The following FOXP1 variants were observed in gnomAD, a reference collection of about 807,000 sequenced individuals.
The protein encoded by FOXP1 is forkhead box protein P1.
Under a neutral mutation model 98.2 loss-of-function variants are expected in FOXP1, and 15 were observed. The observed-to-expected ratio is 0.15, with a 90% CI of 0.10 to 0.24. FOXP1 has a LOEUF of 0.24. FOXP1 is among the 10% of genes least tolerant of loss of function. The pLI is 1.00. For synonymous variants in FOXP1, 371 were observed against 314.5 expected, an observed-to-expected ratio of 1.18 and a Z score of -1.90; for missense variants, 633 against 848.5, an observed-to-expected ratio of 0.75 and a Z score of 3.15.
chr3:71,533,351 G>A (rs1258900041), intron 2 of FOXP1, among the ~76,000 whole-genome samples: 2 of 152,120 alleles, frequency 1.3e-5, no homozygotes, highest in Non-Finnish European at 2.9e-5. Context: ...ACGATGATGA[G>A]TCATTTCCAC....
At chr3:70,996,347 C>A (rs2041358482) in intron 13 of FOXP1, among the ~76,000 whole-genome samples, 1 of 152,190 alleles carries the variant, frequency 6.6e-6, no homozygotes, top group Non-Finnish European at 1.5e-5. Context: ...GCTGATTAGA[C>A]AGTCTAAATC....
At chr3:70,969,393 T>A (rs1443701971) in intron 19 of FOXP1, 2 of 152,180 alleles carry the variant, frequency 1.3e-5, no homozygotes, top group Admixed American at 6.5e-5. Context: ...TAAATAAATA[T>A]AATTACTGAA....
intron 3 of FOXP1, among the ~76,000 whole-genome samples, chr3:71,398,335 C>A (rs550460112): frequency 2.6e-4 from 39 of 152,124 alleles, no homozygotes; most frequent in Non-Finnish European, 5.3e-4. Context: ...TTTTTTAAAA[C>A]AGTGCTGGGA....
intron 7 of FOXP1, among the ~76,000 whole-genome samples, chr3:71,056,802 G>C (rs2050705819): frequency 6.7e-6 from 1 of 149,910 alleles, no homozygotes; most frequent in South Asian, 2.1e-4. Context: ...CAGAAACTAT[G>C]GTGGGGTAGA....
chr3:70,962,790 A>AGG (rs1156963817), intron 20 of FOXP1, among the ~76,000 whole-genome samples: 3 of 152,198 alleles, frequency 2.0e-5, no homozygotes, highest in Admixed American at 6.5e-5. Context: ...GGGAGGGGGA[A>AGG]GGAGGATGAG....
intron 3 of FOXP1, among the ~76,000 whole-genome samples, chr3:71,459,058 C>T (rs1188201703): frequency 2.0e-5 from 3 of 152,136 alleles, no homozygotes; most frequent in African/African-American, 7.2e-5. Flanking sequence ...TCACTTTTGA[C>T]ATTTTCTTCC....
intron 6 of FOXP1, among the ~76,000 whole-genome samples, chr3:71,137,774 C>CTA (rs1553755404): frequency 7.1e-6 from 1 of 140,754 alleles, no homozygotes; most frequent in African/African-American, 2.5e-5. Context: ...AAAGATAATT[C>CTA]TATTTATTTA....
intron 7 of FOXP1, among the ~76,000 whole-genome samples, chr3:71,054,083 T>C (rs1038622019): frequency 6.6e-6 from 1 of 152,232 alleles, no homozygotes; most frequent in Non-Finnish European, 1.5e-5. Flanking sequence ...TTATTGAGAG[T>C]GAGTTTTTGG....
intron 3 of FOXP1, among the ~76,000 whole-genome samples, chr3:71,414,127 G>A (rs1285338375): frequency 1.3e-5 from 2 of 151,692 alleles, no homozygotes; most frequent in Non-Finnish European, 2.9e-5. Flanking sequence ...GGTCTTGCCG[G>A]CCATCCAAAT....
intron 2 of FOXP1, among the ~76,000 whole-genome samples, chr3:71,528,762 C>A (rs1465138757): frequency 6.6e-6 from 1 of 152,136 alleles, no homozygotes; most frequent in African/African-American, 2.4e-5. Flanking sequence ...AGATAGTTTA[C>A]CCCAAACAAG....
At chr3:71,140,859 G>T (rs1263707958) in intron 6 of FOXP1, among the ~76,000 whole-genome samples, 1 of 151,958 alleles carries the variant, frequency 6.6e-6, no homozygotes, top group Non-Finnish European at 1.5e-5. Context: ...GGCAACCGTA[G>T]TCCTAGCTAT....
chr3:71,575,584 C>T (rs903977947), intron 2 of FOXP1, among the ~76,000 whole-genome samples: 1 of 152,194 alleles, frequency 6.6e-6, no homozygotes, highest in African/African-American at 2.4e-5. Context: ...CTGTGCTCAC[C>T]CCCAGGAGGG....
At chr3:71,177,152 G>A (rs182849302) in intron 6 of FOXP1, among the ~76,000 whole-genome samples, 10 of 152,252 alleles carry the variant, frequency 6.6e-5, no homozygotes, top group African/African-American at 2.2e-4. Flanking sequence ...GGCTAACTTC[G>A]GTCTGACGGT....
chr3:71,526,458 A>G (rs183116139), intron 2 of FOXP1, among the ~76,000 whole-genome samples: 1 of 152,384 alleles, frequency 6.6e-6, no homozygotes, highest in East Asian at 1.9e-4. Flanking sequence ...CACATCATAT[A>G]GAAACCTGCA....
intron 6 of FOXP1, among the ~76,000 whole-genome samples, chr3:71,193,024 T>G (rs1419108344): frequency 6.6e-6 from 1 of 152,176 alleles, no homozygotes; most frequent in Non-Finnish European, 1.5e-5. Flanking sequence ...ACTGATACTA[T>G]GGTCCCTCAA....
chr3:71,365,101 G>A (rs1276556014), intron 3 of FOXP1, among the ~76,000 whole-genome samples: 1 of 152,186 alleles, frequency 6.6e-6, no homozygotes, highest in African/African-American at 2.4e-5. Context: ...CTGGCAGTGG[G>A]CTGGATTTGC....
At chr3:71,232,876 T>TCAAAA (rs1265877926) in intron 5 of FOXP1, among the ~76,000 whole-genome samples, 2 of 5,278 alleles carry the variant, frequency 3.8e-4, no homozygotes, top group Non-Finnish European at 8.4e-4. Context: ...AAACTCTGTC[T>TCAAAA]CAAAAAAAAA....
At chr3:71,450,170 G>A (rs1174763668) in intron 3 of FOXP1, among the ~76,000 whole-genome samples, 1 of 152,176 alleles carries the variant, frequency 6.6e-6, no homozygotes. Context: ...GAGTCAATGT[G>A]TTTATGTTCC....
At chr3:71,211,305 C>T (rs2064440556) in intron 5 of FOXP1, among the ~76,000 whole-genome samples, 1 of 152,050 alleles carries the variant, frequency 6.6e-6, no homozygotes, top group Admixed American at 6.6e-5. Flanking sequence ...CTCTTGGTTC[C>T]AGTGATTCTC....
Sources: allele counts gnomAD v4.1 joint callset (sites outside exome capture counted in the v4.1 genomes callset), GRCh38; gene constraint gnomAD v4.1.1; transcripts MANE v1.5; gene names NCBI Gene and HGNC (gene_info 2026-07-23, HGNC 2026-07-21).